Variants in EPB41L4A observed in about 807,000 individuals in gnomAD.
The protein encoded by EPB41L4A is erythrocyte membrane protein band 4.1 like 4A, also known as band 4.1-like protein 4A.
A neutral mutation model predicts 108.6 loss-of-function variants in EPB41L4A; 100 were observed. The observed-to-expected ratio is 0.92, with a 90% CI of 0.78 to 1.09. The LOEUF is 1.09. Ranked by LOEUF, EPB41L4A falls within the 50% of genes least tolerant of loss-of-function variation. EPB41L4A has a pLI of 0.00. For missense variants in EPB41L4A, 1,030 were observed against 842.7 expected (o/e 1.22, Z -2.75); for synonymous variants, 319 against 289.0 (o/e 1.10, Z -1.05).
intron 12 of EPB41L4A, among the ~76,000 whole-genome samples, chr5:112,216,627 A>C (rs1747663824): frequency 6.6e-6 from 1 of 152,184 alleles, no homozygotes; most frequent in Non-Finnish European, 1.5e-5. Context: ...AACTGTATAA[A>C]ATGCTTAAGA....
intron 1 of EPB41L4A, among the ~76,000 whole-genome samples, chr5:112,418,378 G>C (rs1762840921): frequency 6.6e-6 from 1 of 152,186 alleles, no homozygotes; most frequent in African/African-American, 2.4e-5. Flanking sequence ...GTCGCTTTGA[G>C]AGATGTTTAC....
chr5:112,279,745 T>C (rs1439241587), intron 3 of EPB41L4A, among the ~76,000 whole-genome samples: 2 of 152,156 alleles, frequency 1.3e-5, no homozygotes, highest in Non-Finnish European at 2.9e-5. Flanking sequence ...CATCTCCTTA[T>C]AATATTTGTA....
intron 1 of EPB41L4A, among the ~76,000 whole-genome samples, chr5:112,390,983 G>A (rs1479985156): frequency 6.6e-6 from 1 of 152,324 alleles, no homozygotes; most frequent in South Asian, 2.1e-4. Context: ...TGAGGGACCT[G>A]ACTGTTAGAA....
intron 1 of EPB41L4A, among the ~76,000 whole-genome samples, chr5:112,411,151 G>A (rs574773196): frequency 1.3e-5 from 2 of 152,282 alleles, no homozygotes; most frequent in African/African-American, 4.8e-5. Context: ...AAGCAGGTCT[G>A]GAGGAGGGTA....
chr5:112,225,531 T>C (rs1219883880), intron 12 of EPB41L4A, among the ~76,000 whole-genome samples: 2 of 152,216 alleles, frequency 1.3e-5, no homozygotes, highest in Admixed American at 1.3e-4. Context: ...CTGTAGGGCT[T>C]TTGAAAAGTG....
intron 3 of EPB41L4A, 135 bp downstream of exon 3, chr5:112,280,137 T>G: frequency 1.3e-6 from 1 of 752,232 alleles, no homozygotes. Context: ...ATACACACAT[T>G]CCCATATTCT....
intron 1 of EPB41L4A, among the ~76,000 whole-genome samples, chr5:112,412,464 A>C (rs1327392308): frequency 6.6e-6 from 1 of 152,254 alleles, no homozygotes; most frequent in Non-Finnish European, 1.5e-5. Context: ...AAATACATGC[A>C]TGGCTCAGAG....
Position 112,184,087 on chromosome 5 carries a change from A to T in EPB41L4A, c.1551T>A (p.Ala517=). 1 of 1,613,982 alleles carries T rather than the reference A, an allele frequency of 6.2e-7. No individual in the cohort carries two copies. The highest frequency in any genetic ancestry group is 8.5e-7 in the Non-Finnish European group (1 of 1,179,944). The change falls in exon 18 of 23, where the codon GCT becomes GCA. Residue 517 remains alanine (A), a synonymous_variant. Coordinates refer to ENST00000261486, the MANE Select transcript of EPB41L4A (RefSeq NM_022140.5). ...TTTTTTCCTTTTGTCTCCTTAATAC[A>T]GCTTCCCACTGAGGCGCTGAATCAA... The part of the protein sequence containing the change: ...DMVDSAPQWE[A]VLRRQKEKNQ...
intron 1 of EPB41L4A, among the ~76,000 whole-genome samples, chr5:112,389,220 T>C (rs542855764): frequency 1.4e-4 from 22 of 152,338 alleles, no homozygotes; most frequent in African/African-American, 2.2e-4. Context: ...ATTAGATCTG[T>C]ATTGGCATTT....
intron 1 of EPB41L4A, among the ~76,000 whole-genome samples, chr5:112,319,555 C>T (rs965551631): frequency 6.6e-6 from 1 of 152,116 alleles, no homozygotes; most frequent in Non-Finnish European, 1.5e-5. Flanking sequence ...AATACAGAAT[C>T]ACTTCTAAGT....
At position 112,337,747 on chromosome 5, in the gene EPB41L4A, AT is replaced by A. The variant is rs1394749695; in HGVS notation, c.100-30258del. Among the ~76,000 whole-genome samples, 3 of 152,270 alleles carry A rather than the reference AT, an allele frequency of 2.0e-5. No homozygotes were observed. The East Asian group carries it at 5.8e-4, about 29-fold the overall frequency. ...TAAACAAAAGCCCTATCTGACCCAT[AT>A]TGTAAAAAAAGTACTGGGGAAAAGG... is the stretch of plus-strand genomic sequence containing the variant. On this transcript the variant is annotated intron_variant, in intron 1 of 22. Coordinates refer to ENST00000261486, the MANE Select transcript of EPB41L4A (RefSeq NM_022140.5).
At chr5:112,195,824 T>C (rs1761940584) in intron 15 of EPB41L4A, 116 bp from the exon 16 acceptor site, 1 of 881,378 alleles carries the variant, frequency 1.1e-6, no homozygotes, top group Non-Finnish European at 1.8e-6. Flanking sequence ...TTCATTCATT[T>C]GCCAAACATT....
intron 13 of EPB41L4A, among the ~76,000 whole-genome samples, chr5:112,144,671 G>A (rs1759184323): frequency 6.6e-6 from 1 of 152,198 alleles, no homozygotes; most frequent in Admixed American, 6.5e-5. Context: ...TGGATCGTAG[G>A]ATTGTAGAGA....
chr5:112,303,184 T>C (rs567420149), intron 2 of EPB41L4A, among the ~76,000 whole-genome samples: 105 of 152,286 alleles, frequency 6.9e-4, no homozygotes, highest in African/African-American at 2.5e-3. Context: ...TTCCAGAACA[T>C]ATAATCACAG....
intron 1 of EPB41L4A, among the ~76,000 whole-genome samples, chr5:112,355,435 A>AAAC (rs1444628221): frequency 1.3e-5 from 2 of 152,200 alleles, no homozygotes; most frequent in African/African-American, 2.4e-5. Flanking sequence ...TCCTTTCCAC[A>AAAC]AACATGTTTC....
At chr5:112,395,346 T>C (rs1761257983) in intron 1 of EPB41L4A, among the ~76,000 whole-genome samples, 1 of 152,164 alleles carries the variant, frequency 6.6e-6, no homozygotes, top group Non-Finnish European at 1.5e-5. Context: ...AATCTACTCA[T>C]CTGACAAAGG....
At chr5:112,390,588 G>T (rs182338273) in intron 1 of EPB41L4A, among the ~76,000 whole-genome samples, 2 of 152,166 alleles carry the variant, frequency 1.3e-5, no homozygotes, top group Admixed American at 6.5e-5. Flanking sequence ...CGAGGCCAGC[G>T]TGACTCTGTA....
At chr5:112,332,100 T>C (rs1392354949) in intron 1 of EPB41L4A, among the ~76,000 whole-genome samples, 1 of 152,246 alleles carries the variant, frequency 6.6e-6, no homozygotes, top group Non-Finnish European at 1.5e-5. Flanking sequence ...GCAAAGGTTA[T>C]CTGGACTTCC....
At chr5:112,263,851 T>C (rs1393395803) in intron 6 of EPB41L4A, 1 of 152,406 alleles carries the variant, frequency 6.6e-6, no homozygotes, top group Non-Finnish European at 1.5e-5. Context: ...TCACTCTTGT[T>C]GCCCAGGCTG....
Sources: allele counts gnomAD v4.1 joint callset (sites outside exome capture counted in the v4.1 genomes callset), GRCh38; gene constraint gnomAD v4.1.1; transcripts MANE v1.5; gene names NCBI Gene and HGNC (gene_info 2026-07-23, HGNC 2026-07-21).